The following TBCA variants were observed in gnomAD, a reference collection of about 807,000 sequenced individuals.
TBCA encodes the protein tubulin-specific chaperone A.
A neutral mutation model predicts 15.8 loss-of-function variants in TBCA; 6 were observed. The ratio of observed to expected loss-of-function variants is 0.38; its 90% CI spans 0.21 to 0.75. The LOEUF (loss-of-function observed/expected upper bound fraction) is 0.75. TBCA is among the 30% of genes least tolerant of loss of function. The pLI, the probability that TBCA is intolerant of heterozygous loss-of-function variation, is 0.46. For synonymous variants in TBCA, 32 were observed against 42.3 expected (o/e 0.76, Z 0.94); for missense variants, 90 against 131.2 (o/e 0.69, Z 1.53).
At chr5:77,733,281 A>G (rs954922302) in intron 1 of TBCA, among the ~76,000 whole-genome samples, 1 of 152,056 alleles carries the variant, frequency 6.6e-6, no homozygotes, top group Non-Finnish European at 1.5e-5. Flanking sequence ...ACTCTATCTC[A>G]AGGGAGAAAA....
chr5:77,693,859 C>T (rs188667488), intron 2 of TBCA, among the ~76,000 whole-genome samples: 24 of 137,768 alleles, frequency 1.7e-4, no homozygotes, highest in Non-Finnish European at 2.9e-4. Context: ...GTAAAATCTA[C>T]AAAGTGCAAG....
At chr5:77,708,819 T>A (rs1336836248) in intron 1 of TBCA, among the ~76,000 whole-genome samples, 1 of 152,022 alleles carries the variant, frequency 6.6e-6, no homozygotes, top group African/African-American at 2.4e-5. Context: ...TCCACCAGCC[T>A]CGGCCTCCCA....
intron 2 of TBCA, among the ~76,000 whole-genome samples, chr5:77,698,011 T>G (rs1038385889): frequency 6.6e-6 from 1 of 151,970 alleles, no homozygotes; most frequent in African/African-American, 2.4e-5. Context: ...TCTCAGCTAC[T>G]TGGGAGGCCA....
At chr5:77,768,419 G>A (rs924245198) in intron 1 of TBCA, among the ~76,000 whole-genome samples, 8 of 152,204 alleles carry the variant, frequency 5.3e-5, no homozygotes, top group Non-Finnish European at 8.8e-5. Flanking sequence ...ATAACGTGTA[G>A]TAAGTGGAGC....
At chr5:77,699,991 T>G (rs998376299) in intron 2 of TBCA, among the ~76,000 whole-genome samples, 9 of 137,138 alleles carry the variant, frequency 6.6e-5, no homozygotes, top group Admixed American at 6.5e-4. Flanking sequence ...TGAGCTGAGA[T>G]CGCACCACTG....
intron 1 of TBCA, 79 bp downstream of exon 1, chr5:77,776,126 G>A: frequency 6.5e-7 from 1 of 1,531,654 alleles, no homozygotes; most frequent in African/African-American, 1.4e-5. Context: ...GGCCTCCTCG[G>A]GCCTGCGCTC....
intron 2 of TBCA, among the ~76,000 whole-genome samples, chr5:77,694,746 T>A (rs1256142560): frequency 6.6e-6 from 1 of 152,188 alleles, no homozygotes; most frequent in African/African-American, 2.4e-5. Flanking sequence ...CAGTACCTTC[T>A]TCCTTTCCCA....
rs560028382 is a variant in TBCA at position 77,699,589 on chromosome 5, C to T, written c.160-6237G>A. Reference sequence around the variant, plus strand: ...ACTTTATATAAAAATTACCTCAAAACGGATTGAAGACTTAAATACAAACAC... The same window carrying T: ...ACTTTATATAAAAATTACCTCAAAATGGATTGAAGACTTAAATACAAACAC... On this transcript the variant is annotated intron_variant, in intron 2 of 3. Transcript: ENST00000380377. Among the ~76,000 whole-genome samples the T allele has an allele frequency of 2.0e-5, 3 of 152,106 alleles. No individual in the cohort carries two copies. The South Asian group carries it at 6.2e-4, about 32-fold the overall frequency.
chr5:77,697,362 T>C (rs556357617), intron 2 of TBCA, among the ~76,000 whole-genome samples: 1 of 152,242 alleles, frequency 6.6e-6, no homozygotes, highest in South Asian at 2.1e-4. Flanking sequence ...TAAGCCACAT[T>C]CTGGATCAAA....
intron 1 of TBCA, among the ~76,000 whole-genome samples, chr5:77,720,245 AAC>A (rs780322131): frequency 2.0e-5 from 3 of 152,160 alleles, no homozygotes; most frequent in Non-Finnish European, 4.4e-5. Flanking sequence ...AACAGAAGGA[AAC>A]ACAGATGGAT....
Position 77,776,309 on chromosome 5 carries a change from A to G in TBCA, c.-52T>C. 1.3e-6 allele frequency: 2 copies of G among 1,552,016 alleles called. No homozygotes were observed. Among genetic ancestry groups the G allele is most frequent in the Non-Finnish European group, 1.7e-6 (2 of 1,148,018 alleles). On this transcript the variant is annotated 5_prime_UTR_variant, in exon 1 of 4. Coordinates refer to ENST00000380377, the MANE Select transcript of TBCA (RefSeq NM_004607.3). ...GGGCGGAGAGCCGGGGTAACCGTGG[A>G]GGGCGACGCGCAGAGGCTGCGGCTA...
At chr5:77,755,521 G>C (rs1032329206) in intron 1 of TBCA, among the ~76,000 whole-genome samples, 1 of 152,010 alleles carries the variant, frequency 6.6e-6, no homozygotes, top group Non-Finnish European at 1.5e-5. Context: ...GTTGCAGTGA[G>C]CCAAGATCAT....
chr5:77,710,373 TTAAAA>T (rs1249032962), intron 1 of TBCA, among the ~76,000 whole-genome samples: 1 of 152,178 alleles, frequency 6.6e-6, no homozygotes, highest in Non-Finnish European at 1.5e-5. Flanking sequence ...ATATAATATT[TTAAAA>T]TAAAATCATT....
chr5:77,717,746 C>T (rs1423452489), intron 1 of TBCA, among the ~76,000 whole-genome samples: 1 of 151,792 alleles, frequency 6.6e-6, no homozygotes, highest in Non-Finnish European at 1.5e-5. Flanking sequence ...GCAGGAGAAT[C>T]GCTTGAAACC....
chr5:77,747,859 T>G (rs567307327), intron 1 of TBCA, among the ~76,000 whole-genome samples: 2 of 152,318 alleles, frequency 1.3e-5, no homozygotes, highest in East Asian at 1.9e-4. Context: ...CTTTTAAGAC[T>G]ACATTCAGAA....
intron 1 of TBCA, among the ~76,000 whole-genome samples, chr5:77,719,045 G>A (rs1379846870): frequency 6.6e-6 from 1 of 152,128 alleles, no homozygotes; most frequent in Non-Finnish European, 1.5e-5. Flanking sequence ...CCCAAGGTGT[G>A]AAAATATGTC....
At position 77,776,272 on chromosome 5, in the gene TBCA, C is replaced by G. The variant is rs1256365735; in HGVS notation, c.-15G>C. On this transcript the variant is annotated 5_prime_UTR_variant, in exon 1 of 4. Coordinates refer to ENST00000380377, the MANE Select transcript of TBCA (RefSeq NM_004607.3). ...GGATCGGCCATGGTCCCTCGAGCGC[C>G]GCGAGAAGGAGGGGCGGAGAGCCGG... 5 of 1,574,766 alleles carry G rather than the reference C, an allele frequency of 3.2e-6. No individual in the cohort carries two copies. Among genetic ancestry groups the G allele is most frequent in the East Asian group, 2.3e-5 (1 of 42,612 alleles).
chr5:77,719,878 T>C (rs1746488991), intron 1 of TBCA, among the ~76,000 whole-genome samples: 1 of 152,138 alleles, frequency 6.6e-6, no homozygotes, highest in Non-Finnish European at 1.5e-5. Context: ...ACACTGTGAA[T>C]AGCTTCTGCT....
chr5:77,744,780 C>T (rs112917446), intron 1 of TBCA, among the ~76,000 whole-genome samples: 88 of 152,234 alleles, frequency 5.8e-4, no homozygotes, highest in Non-Finnish European at 1.0e-3. Flanking sequence ...AAGTGATCCA[C>T]CCGCTTCGGC....
Sources: gnomAD v4.1 joint callset for allele counts (sites outside exome capture counted in the v4.1 genomes callset) on GRCh38, gnomAD v4.1.1 for gene constraint, MANE v1.5 for transcripts, NCBI Gene and HGNC (gene_info 2026-07-23, HGNC 2026-07-21) for gene names.